Variants in SH3KBP1 observed in about 807,000 individuals in gnomAD.
The protein encoded by SH3KBP1 is SH3 domain containing kinase binding protein 1.
SH3KBP1 carries 8 observed loss-of-function variants against 50.1 expected under a neutral mutation model. The ratio of observed to expected loss-of-function variants is 0.16; its 90% CI spans 0.09 to 0.29. The LOEUF (loss-of-function observed/expected upper bound fraction) is 0.29, where lower values mean the gene tolerates loss of function less well. Among genes scored for constraint, SH3KBP1 ranks in the 10% least tolerant of loss-of-function variants. The pLI is 1.00. For synonymous variants in SH3KBP1, 227 were observed against 218.6 expected (o/e 1.04, Z -0.34); for missense variants, 377 against 535.2 (o/e 0.70, Z 2.92).
In SH3KBP1 at chrX:19,598,229, T is replaced by TTTTATTTATTTA. The variant is rs60833421; in HGVS notation, c.1006-3241_1006-3230dup. ...TTCTCCATATCATCAGCAAGTCTGT[T>TTTTATTTATTTA]TTTATTTATTTATTTATTTATTTAT... On this transcript the variant is annotated intron_variant, in intron 9 of 17. Transcript: ENST00000397821. Among the ~76,000 whole-genome samples, 170 of 101,925 alleles carry TTTTATTTATTTA rather than the reference T, an allele frequency of 1.7e-3. 1 individual carries two copies. The highest frequency in any genetic ancestry group is 5.1e-3 in the African/African-American group (136 of 26,921). The allele number at this position is 101,925 out of a possible 115,157, so 88.5% of individuals were successfully genotyped here.
chrX:19,732,604 C>G (rs1362647700), intron 3 of SH3KBP1, among the ~76,000 whole-genome samples: 2 of 106,602 alleles, frequency 1.9e-5, no homozygotes, highest in African/African-American at 7.1e-5. Flanking sequence ...CCTACACACA[C>G]ACACACACAC....
At chrX:19,664,365 A>T (rs185764169) in intron 6 of SH3KBP1, among the ~76,000 whole-genome samples, 10 of 111,527 alleles carry the variant, frequency 9.0e-5, no homozygotes, top group African/African-American at 3.3e-4. Context: ...GATATGGAAA[A>T]GTCAGGGTTG....
chrX:19,549,867 T>C (rs1849486247), intron 14 of SH3KBP1, 107 bp downstream of exon 14: 2 of 542,503 alleles, frequency 3.7e-6, no homozygotes, highest in Admixed American at 3.3e-5. Context: ...TCCCAGGGTG[T>C]CCTCAAATCG....
At chrX:19,648,952 G>A (rs1220564073) in intron 6 of SH3KBP1, among the ~76,000 whole-genome samples, 3 of 111,752 alleles carry the variant, frequency 2.7e-5, no homozygotes, top group Non-Finnish European at 5.6e-5. Flanking sequence ...AAATTTCAAA[G>A]GGCATGCCTC....
intron 8 of SH3KBP1, among the ~76,000 whole-genome samples, chrX:19,613,178 G>C (rs2067484049): frequency 8.9e-6 from 1 of 112,395 alleles, no homozygotes; most frequent in South Asian, 3.7e-4. Flanking sequence ...TGGTGAGGCA[G>C]TAGCTGACCA....
At chrX:19,632,691 T>C (rs994951228) in intron 7 of SH3KBP1, among the ~76,000 whole-genome samples, 7 of 112,942 alleles carry the variant, frequency 6.2e-5, no homozygotes, top group Non-Finnish European at 1.1e-4. Context: ...TTTAAGTATG[T>C]CCTGAATTAC....
At chrX:19,624,175 T>C (rs1221655417) in intron 8 of SH3KBP1, among the ~76,000 whole-genome samples, 2 of 111,320 alleles carry the variant, frequency 1.8e-5, no homozygotes, top group Admixed American at 9.6e-5. Flanking sequence ...GAATACAACA[T>C]GTCATTTAAG....
intron 17 of SH3KBP1, among the ~76,000 whole-genome samples, chrX:19,536,988 G>A (rs2064728340): frequency 8.9e-6 from 1 of 111,994 alleles, no homozygotes. Context: ...TTGAATCAGA[G>A]GCTACAGGGG....
chrX:19,592,854 G>A (rs1408320175), intron 10 of SH3KBP1, among the ~76,000 whole-genome samples: 1 of 112,260 alleles, frequency 8.9e-6, no homozygotes, highest in African/African-American at 3.2e-5. Context: ...CCTTGCCAAG[G>A]GGAGCCAGAC....
At chrX:19,702,667 C>CA (rs923953506) in intron 4 of SH3KBP1, among the ~76,000 whole-genome samples, 3 of 108,991 alleles carry the variant, frequency 2.8e-5, no homozygotes, top group African/African-American at 1.0e-4. Context: ...AAAAAAAAAA[C>CA]AAAAAACAAA....
intron 4 of SH3KBP1, among the ~76,000 whole-genome samples, chrX:19,698,041 T>C (rs2063461807): frequency 8.9e-6 from 1 of 112,199 alleles, no homozygotes; most frequent in Admixed American, 9.4e-5. Context: ...CCAACTCAAC[T>C]GACACATATT....
At chrX:19,799,902 G>T in intron 2 of SH3KBP1, 1 of 535,354 alleles carries the variant, frequency 1.9e-6, no homozygotes, top group Non-Finnish European at 2.3e-6. Context: ...CAAATCAAGT[G>T]AAAAGTAATC....
intron 12 of SH3KBP1, among the ~76,000 whole-genome samples, chrX:19,575,962 A>G (rs1050156669): frequency 8.9e-6 from 1 of 111,752 alleles, no homozygotes; most frequent in Non-Finnish European, 1.9e-5. Context: ...GAGAAAAAGG[A>G]AAAAGCCCAT....
chrX:19,736,771 C>G (rs1286714798), intron 3 of SH3KBP1, among the ~76,000 whole-genome samples: 1 of 111,824 alleles, frequency 8.9e-6, no homozygotes, highest in Non-Finnish European at 1.9e-5. Flanking sequence ...AGAGACCAGG[C>G]TGTGATGACA....
intron 9 of SH3KBP1, among the ~76,000 whole-genome samples, chrX:19,599,477 G>A (rs1329703006): frequency 2.7e-5 from 3 of 112,115 alleles, no homozygotes; most frequent in Non-Finnish European, 5.6e-5. Context: ...ACAGAAGTGT[G>A]AAGTTTTGTT....
chrX:19,637,820 T>C (rs755390571), intron 7 of SH3KBP1, among the ~76,000 whole-genome samples: 1 of 110,893 alleles, frequency 9.0e-6, no homozygotes, highest in African/African-American at 3.3e-5. Context: ...GGCTCACGTC[T>C]GTAATCCCAG....
chrX:19,818,790 A>AT (rs753950025), intron 2 of SH3KBP1, among the ~76,000 whole-genome samples: 2 of 111,383 alleles, frequency 1.8e-5, no homozygotes, highest in African/African-American at 6.5e-5. Flanking sequence ...ATAGTATATA[A>AT]TTTTTTTTAT....
Position 19,836,279 on chromosome X carries a change from T to C in SH3KBP1, c.8A>G (p.Glu3Gly). The C allele has an allele frequency of 8.3e-7, 1 of 1,207,884 alleles. No homozygotes were observed. The highest frequency in any genetic ancestry group is 1.1e-6 in the Non-Finnish European group (1 of 892,812). The part of the protein sequence containing the change: MV[E>G]AIVEFDYQAQ... ...CTGGTAGTCAAACTCCACTATGGCC[T>C]CCACTGGAAGGAACAGGGAAAACAG... is the stretch of plus-strand genomic sequence containing the variant. Residue 3 changes from glutamate to glycine, a missense_variant, in exon 2 of 18, where the codon GAG (glutamate) becomes GGG (glycine). Physicochemically the swap from Glu to Gly is moderately conservative, Grantham distance 98. Around this residue, in one of 3 missense-constraint regions of SH3KBP1, gnomAD observed 257 missense variants for 374.2 expected, o/e 0.69. Transcript: ENST00000397821.
intron 11 of SH3KBP1, among the ~76,000 whole-genome samples, chrX:19,589,721 C>T (rs915610788): frequency 6.3e-5 from 7 of 110,252 alleles, no homozygotes; most frequent in Middle Eastern, 4.6e-3. Context: ...TATAGGCAGG[C>T]TCCCTATGCT....
Sources: gnomAD v4.1 joint callset for allele counts (sites outside exome capture counted in the v4.1 genomes callset) on GRCh38, gnomAD v4.1.1 for gene constraint, gnomAD v4.1.1 regional missense constraint, MANE v1.5 for transcripts, NCBI Gene and HGNC (gene_info 2026-07-23, HGNC 2026-07-21) for gene names.